The following EYS variants were observed in gnomAD, a reference collection of about 807,000 sequenced individuals.
EYS encodes protein eyes shut homolog.
EYS carries 250 observed loss-of-function variants against 282.1 expected under a neutral mutation model. That is an observed-to-expected ratio of 0.89 (90% confidence interval 0.80 to 0.98). The LOEUF (loss-of-function observed/expected upper bound fraction) is 0.98, where lower values mean the gene tolerates loss of function less well. Ranked by LOEUF, EYS falls within the 50% of genes least tolerant of loss-of-function variation. The probability of loss-of-function intolerance (pLI) is 0.00; values close to 1 mark genes in which losing one functional copy is unlikely to be tolerated. For synonymous variants in EYS, 1,355 were observed against 1,282.9 expected, an observed-to-expected ratio of 1.06 and a Z score of -1.20; for missense variants, 4,016 against 3,709.0, an observed-to-expected ratio of 1.08 and a Z score of -2.15.
chr6:65,151,974 AAT>A (rs1443534953), intron 12 of EYS, among the ~76,000 whole-genome samples: 1 of 151,852 alleles, frequency 6.6e-6, no homozygotes, highest in Non-Finnish European at 1.5e-5. Context: ...ACATTTGTAA[AAT>A]ATGTTTTTAT....
rs67700846 is a variant in EYS at position 64,692,977 on chromosome 6, CTTTTTTTTT to C, written c.3444-66741_3444-66733del. The stretch of plus-strand genomic sequence containing the variant: ...CTTGGGATTGGTTTGGCTGCTTGGG[CTTTTTTTTT>C]TTTTTTTTTTTTTGGTTCCAGAGGA... On this transcript the variant is annotated intron_variant, in intron 22 of 42. Transcript: ENST00000503581. Among the ~76,000 whole-genome samples, 65 of 11,504 alleles carry C rather than the reference CTTTTTTTTT, an allele frequency of 5.7e-3. 2 individuals are homozygous for C. In the East Asian group the frequency reaches 0.14, roughly 26 times the overall value. The allele number at this position is 11,504 out of a possible 152,430, so 7.5% of individuals were successfully genotyped here.
chr6:64,625,358 C>G (rs1034582882), intron 23 of EYS, among the ~76,000 whole-genome samples: 1 of 152,034 alleles, frequency 6.6e-6, no homozygotes, highest in Non-Finnish European at 1.5e-5. Context: ...ACAAAAATAC[C>G]ATAAACTGGA....
In EYS at chr6:64,023,811, G is replaced by A. The variant is rs552562163; in HGVS notation, c.6726-24628C>T. 8.5e-4 allele frequency among the ~76,000 whole-genome samples: 129 copies of A among 152,334 alleles called. No individual in the cohort carries two copies. The South Asian group carries it at 0.025, about 30-fold the overall frequency. On this transcript the variant is annotated intron_variant, in intron 33 of 42. Transcript: ENST00000503581. ...CGGGTGGGAACTGGGGCTGTGCCGC[G>A]GTGTTTGCGGGCCAGCGCGAGTTCC...
chr6:63,933,339 T>G (rs975306465), intron 35 of EYS, among the ~76,000 whole-genome samples: 4 of 152,192 alleles, frequency 2.6e-5, no homozygotes, highest in African/African-American at 9.7e-5. Flanking sequence ...CCTGAGTAGC[T>G]GGGACTACAG....
At chr6:64,361,828 T>C (rs2150409006) in intron 29 of EYS, among the ~76,000 whole-genome samples, 1 of 151,918 alleles carries the variant, frequency 6.6e-6, no homozygotes, top group Admixed American at 6.6e-5. Context: ...TTAAGGCAAT[T>C]ATTACTTTAA....
At chr6:65,332,559 G>T (rs922239919) in intron 11 of EYS, 6 of 656,010 alleles carry the variant, frequency 9.1e-6, no homozygotes, top group African/African-American at 5.5e-5. Flanking sequence ...AGGGTTTATA[G>T]TGCTATATAG....
chr6:64,510,601 T>G (rs190477244), intron 26 of EYS, among the ~76,000 whole-genome samples: 49 of 152,278 alleles, frequency 3.2e-4, no homozygotes, highest in Admixed American at 2.6e-3. Context: ...AGGTTGACTA[T>G]TAGTGCGCTG....
intron 36 of EYS, among the ~76,000 whole-genome samples, chr6:63,831,182 A>C (rs991554136): frequency 2.0e-5 from 3 of 152,240 alleles, no homozygotes; most frequent in East Asian, 1.9e-4. Flanking sequence ...AACCAGCTAA[A>C]ATCATAATGA....
intron 15 of EYS, among the ~76,000 whole-genome samples, chr6:64,922,843 C>T (rs779675507): frequency 3.3e-5 from 5 of 152,126 alleles, no homozygotes; most frequent in African/African-American, 4.8e-5. Flanking sequence ...TCTCCTGGAA[C>T]GGAGGACACA....
At chr6:63,856,237 A>T (rs1272993069) in intron 36 of EYS, among the ~76,000 whole-genome samples, 1 of 149,574 alleles carries the variant, frequency 6.7e-6, no homozygotes, top group East Asian at 2.0e-4. Flanking sequence ...GCTTGAGAAT[A>T]AACTACAGAG....
chr6:64,293,044 CACTTT>C (rs1001496180), intron 30 of EYS, among the ~76,000 whole-genome samples: 9 of 151,952 alleles, frequency 5.9e-5, no homozygotes, highest in Non-Finnish European at 2.9e-5. Flanking sequence ...ATCAATATGT[CACTTT>C]ACTTTAAAAA....
At chr6:64,579,843 T>C (rs1184146115) in intron 26 of EYS, among the ~76,000 whole-genome samples, 2 of 152,094 alleles carry the variant, frequency 1.3e-5, no homozygotes. Flanking sequence ...CCGGTTACTT[T>C]GAAATAAGCT....
At chr6:64,042,866 C>T in intron 33 of EYS, among the ~76,000 whole-genome samples, 1 of 152,114 alleles carries the variant, frequency 6.6e-6, no homozygotes, top group East Asian at 1.9e-4. Context: ...TTAAGGACTT[C>T]CACTCCACTT....
chr6:65,453,708 G>A (rs550721818), intron 5 of EYS, among the ~76,000 whole-genome samples: 137 of 151,826 alleles, frequency 9.0e-4, no homozygotes, highest in Non-Finnish European at 1.6e-3. Context: ...GGTAACCATT[G>A]TTCTACTCTA....
intron 22 of EYS, among the ~76,000 whole-genome samples, chr6:64,677,718 A>G (rs1284768143): frequency 6.6e-6 from 1 of 152,142 alleles, no homozygotes; most frequent in East Asian, 1.9e-4. Context: ...GTAAAAATCA[A>G]CTATTTAGTT....
At chr6:65,279,223 T>C (rs1768150183) in intron 12 of EYS, among the ~76,000 whole-genome samples, 1 of 151,894 alleles carries the variant, frequency 6.6e-6, no homozygotes, top group African/African-American at 2.4e-5. Flanking sequence ...ATAACAAATA[T>C]GGTACCTGTT....
intron 31 of EYS, among the ~76,000 whole-genome samples, chr6:64,143,425 C>CAT (rs528174167): frequency 2.7e-5 from 4 of 147,388 alleles, no homozygotes; most frequent in Non-Finnish European, 5.9e-5. Flanking sequence ...GGAGCTTGTG[C>CAT]ATATGGAGGA....
At position 65,503,272 on chromosome 6, in the gene EYS, T is replaced by A. The variant is rs565740890; in HGVS notation, c.-332-7279A>T. Among the ~76,000 whole-genome samples the A allele has an allele frequency of 4.6e-5, 7 of 151,732 alleles. No individual in the cohort carries two copies. The East Asian group carries it at 1.4e-3, about 29-fold the overall frequency. The stretch of plus-strand genomic sequence containing the variant: ...ATTTACCATCTGTATATTTTGGGGG[T>A]TGAATTGTCTATTCAGATCTTATGC... On this transcript the variant is annotated intron_variant, in intron 2 of 42. Coordinates refer to ENST00000503581, the MANE Select transcript of EYS (RefSeq NM_001142800.2).
intron 31 of EYS, among the ~76,000 whole-genome samples, chr6:64,155,831 C>G (rs1774897108): frequency 6.6e-6 from 1 of 151,910 alleles, no homozygotes; most frequent in African/African-American, 2.4e-5. Context: ...TACTGAGGTT[C>G]CTTGTGTCTC....
Sources: allele counts gnomAD v4.1 joint callset (sites outside exome capture counted in the v4.1 genomes callset), GRCh38; gene constraint gnomAD v4.1.1; transcripts MANE v1.5; gene names NCBI Gene and HGNC (gene_info 2026-07-23, HGNC 2026-07-21).